The following MAN1A1 variants were observed in gnomAD, a reference collection of about 807,000 sequenced individuals.
MAN1A1 encodes mannosyl-oligosaccharide 1,2-alpha-mannosidase IA.
In MAN1A1, 29 loss-of-function variants were observed where a neutral mutation model predicts 70.8. The ratio of observed to expected loss-of-function variants is 0.41; its 90% CI spans 0.31 to 0.56. The LOEUF (loss-of-function observed/expected upper bound fraction) is 0.56, where lower values mean the gene tolerates loss of function less well. Among genes scored for constraint, MAN1A1 ranks in the 20% least tolerant of loss-of-function variants. The probability of loss-of-function intolerance (pLI) is 0.29; values close to 1 mark genes in which losing one functional copy is unlikely to be tolerated. For missense variants in MAN1A1, 747 were observed against 841.3 expected (o/e 0.89, Z 1.39); for synonymous variants, 349 against 330.1 (o/e 1.06, Z -0.62).
chr6:119,323,629 A>G (rs1462834645), intron 2 of MAN1A1, among the ~76,000 whole-genome samples: 3 of 152,342 alleles, frequency 2.0e-5, no homozygotes, highest in Admixed American at 6.5e-5. Flanking sequence ...TCTTTCCTAC[A>G]TGATCCAGGA....
chr6:119,183,238 T>TA (rs1283323447), intron 11 of MAN1A1, among the ~76,000 whole-genome samples: 1 of 152,012 alleles, frequency 6.6e-6, no homozygotes, highest in East Asian at 1.9e-4. Context: ...ATAAAGAAAA[T>TA]AAAGAAAATG....
chr6:119,315,717 G>A (rs1772832439), intron 2 of MAN1A1, among the ~76,000 whole-genome samples: 1 of 152,200 alleles, frequency 6.6e-6, no homozygotes, highest in Admixed American at 6.5e-5. Context: ...TTATTCATAG[G>A]TGAATATCTA....
At chr6:119,339,127 C>T (rs55982075) in intron 2 of MAN1A1, among the ~76,000 whole-genome samples, 4,802 of 152,328 alleles carry the variant, frequency 0.032, 141 homozygotes, top group Non-Finnish European at 0.043. Flanking sequence ...ATGCCATATA[C>T]TGCTTCATCA....
chr6:119,241,898 ATGTGTGTG>A (rs59230995), intron 6 of MAN1A1, among the ~76,000 whole-genome samples: 110 of 149,570 alleles, frequency 7.4e-4, no homozygotes, highest in African/African-American at 1.6e-3. Flanking sequence ...CAGCAATTAT[ATGTGTGTG>A]TGTGTGTGTG....
intron 2 of MAN1A1, among the ~76,000 whole-genome samples, chr6:119,339,838 C>T (rs2114506267): frequency 6.6e-6 from 1 of 152,244 alleles, no homozygotes; most frequent in East Asian, 1.9e-4. Flanking sequence ...TGCCTATAAT[C>T]CCAGCACTTT....
At chr6:119,287,323 C>T (rs1184979236) in intron 5 of MAN1A1, among the ~76,000 whole-genome samples, 1 of 152,140 alleles carries the variant, frequency 6.6e-6, no homozygotes, top group African/African-American at 2.4e-5. Flanking sequence ...CATTCACTTT[C>T]TGCTCAATAT....
intron 5 of MAN1A1, among the ~76,000 whole-genome samples, chr6:119,279,976 T>C (rs1776185386): frequency 6.6e-6 from 1 of 152,382 alleles, no homozygotes; most frequent in East Asian, 1.9e-4. Context: ...TTGACAGAAC[T>C]GAACATCTGT....
At chr6:119,277,859 C>A (rs1192742721) in intron 5 of MAN1A1, among the ~76,000 whole-genome samples, 1 of 139,934 alleles carries the variant, frequency 7.1e-6, no homozygotes. Flanking sequence ...ATGGCATGAA[C>A]CTGGGAGGCG....
At chr6:119,224,836 A>G (rs1247509711) in intron 6 of MAN1A1, among the ~76,000 whole-genome samples, 1 of 152,178 alleles carries the variant, frequency 6.6e-6, no homozygotes, top group African/African-American at 2.4e-5. Context: ...ACTAAAAATA[A>G]TTGTATCTGG....
At chr6:119,209,169 A>G (rs1773975210) in intron 6 of MAN1A1, among the ~76,000 whole-genome samples, 1 of 151,992 alleles carries the variant, frequency 6.6e-6, no homozygotes, top group South Asian at 2.1e-4. Flanking sequence ...ATATTTGGCT[A>G]CCTATTATCA....
intron 8 of MAN1A1, among the ~76,000 whole-genome samples, chr6:119,196,588 C>T (rs576325546): frequency 4.6e-5 from 7 of 152,236 alleles, no homozygotes; most frequent in South Asian, 2.1e-4. Flanking sequence ...TCAAATATTA[C>T]GCTCTTCTCT....
At chr6:119,273,246 A>C (rs1187146462) in intron 5 of MAN1A1, among the ~76,000 whole-genome samples, 6 of 152,194 alleles carry the variant, frequency 3.9e-5, no homozygotes, top group Non-Finnish European at 5.9e-5. Context: ...AATTCAGATG[A>C]GTACAGAAAA....
chr6:119,269,784 C>T (rs1280318294), intron 5 of MAN1A1: 1 of 152,112 alleles, frequency 6.6e-6, no homozygotes, highest in Non-Finnish European at 1.5e-5. Context: ...TGAAGGTGAC[C>T]AATTATTTTT....
rs767558591 is a variant in MAN1A1, at chr6:119,193,902, G to C, written c.1211-10C>G. 43 of 1,549,882 alleles carry C rather than the reference G, an allele frequency of 2.8e-5. No individual in the cohort carries two copies. Among genetic ancestry groups the C allele is most frequent in the Non-Finnish European group, 3.8e-5 (43 of 1,124,728 alleles). On this transcript the variant is annotated splice_polypyrimidine_tract_variant and intron_variant, in intron 8 of 12. Transcript: ENST00000368468. Reference sequence around the variant, plus strand: ...CCAACTGATACATGATCTGGAAAGAGAGGGAAATGAATTTTAGAGTGATTC... The same window carrying C: ...CCAACTGATACATGATCTGGAAAGACAGGGAAATGAATTTTAGAGTGATTC...
chr6:119,196,766 T>C (rs1196718576), intron 8 of MAN1A1, among the ~76,000 whole-genome samples: 33 of 152,190 alleles, frequency 2.2e-4, no homozygotes, highest in Admixed American at 1.8e-3. Flanking sequence ...TTTCTCTCTT[T>C]GAAACAATCC....
chr6:119,319,387 A>ATCATC lies in MAN1A1; in HGVS notation c.604-12396_604-12395insGATGA, dbSNP rs1562240878. 2.0e-3 allele frequency among the ~76,000 whole-genome samples: 277 copies of ATCATC among 140,874 alleles called. 2 individuals carry two copies. The highest frequency in any genetic ancestry group is 6.7e-3 in the African/African-American group (262 of 39,242). 92.4% of individuals were successfully genotyped at this position (140,874 alleles called of 152,430 possible). Reference sequence around the variant, plus strand: ...TAATAATAATAATAATAATAATAATAATAATCATCATCATCATCATTCATT... The same window carrying ATCATC: ...TAATAATAATAATAATAATAATAATATCATCATAATCATCATCATCATCATTCATT... On this transcript the variant is annotated intron_variant, in intron 2 of 12. Transcript: ENST00000368468.
intron 8 of MAN1A1, 29 bp downstream of exon 8, chr6:119,201,225 G>C (rs200035508): frequency 2.4e-5 from 35 of 1,488,988 alleles, no homozygotes; most frequent in Non-Finnish European, 3.3e-5. Context: ...ACCAAAAAGA[G>C]CTATAATAAT....
intron 2 of MAN1A1, among the ~76,000 whole-genome samples, chr6:119,333,788 T>C (rs1050722985): frequency 4.6e-5 from 7 of 152,364 alleles, no homozygotes; most frequent in South Asian, 2.1e-4. Flanking sequence ...TATTATACTT[T>C]GCCCATCTTC....
In MAN1A1 at chr6:119,257,513, C is replaced by CA. The variant is rs202174259; in HGVS notation, c.898-9160dup. Among the ~76,000 whole-genome samples, 839 of 151,138 alleles carry CA rather than the reference C, an allele frequency of 5.6e-3. 4 individuals carry two copies. Among genetic ancestry groups the CA allele is most frequent in the Middle Eastern group, 0.027 (8 of 292 alleles). ...GGCAAACATATATGAACGACAACAT[C>CA]AAAAAAAATACTGTATTGGCTACCT... On this transcript the variant is annotated intron_variant, in intron 5 of 12. Coordinates refer to ENST00000368468, the MANE Select transcript of MAN1A1 (RefSeq NM_005907.4).
Sources: gnomAD v4.1 joint callset for allele counts (sites outside exome capture counted in the v4.1 genomes callset) on GRCh38, gnomAD v4.1.1 for gene constraint, MANE v1.5 for transcripts, NCBI Gene and HGNC (gene_info 2026-07-23, HGNC 2026-07-21) for gene names.